TSPAN9: variants seen among roughly 807,000 people sequenced by gnomAD.
TSPAN9 encodes tetraspanin-9.
TSPAN9 carries 16 observed loss-of-function variants against 31.0 expected under a neutral mutation model. The ratio of observed to expected loss-of-function variants is 0.52; its 90% CI spans 0.35 to 0.78. The LOEUF (loss-of-function observed/expected upper bound fraction) is 0.78. Ranked by LOEUF, TSPAN9 falls within the 30% of genes least tolerant of loss-of-function variation. TSPAN9 has a pLI of 0.01. For missense variants in TSPAN9, 272 were observed against 312.5 expected (o/e 0.87, Z 0.98); for synonymous variants, 145 against 121.6 (o/e 1.19, Z -1.27).
At chr12:3,193,337 C>A (rs2098365446) in intron 2 of TSPAN9, among the ~76,000 whole-genome samples, 1 of 152,186 alleles carries the variant, frequency 6.6e-6, no homozygotes, top group Non-Finnish European at 1.5e-5. Context: ...ACAATCCACA[C>A]CACCTGCCTG....
chr12:3,247,101 C>T (rs1047695595), intron 3 of TSPAN9, among the ~76,000 whole-genome samples: 4 of 152,108 alleles, frequency 2.6e-5, no homozygotes, highest in Non-Finnish European at 4.4e-5. Flanking sequence ...ACCCAGGACA[C>T]GTTCACTGTG....
intron 3 of TSPAN9, among the ~76,000 whole-genome samples, chr12:3,235,181 TC>T (rs2098392749): frequency 4.3e-5 from 1 of 23,272 alleles, no homozygotes; most frequent in African/African-American, 1.9e-4. Context: ...AGACTCCGTC[TC>T]AAAAAAAAAA....
At chr12:3,279,123 C>G in intron 5 of TSPAN9, 57 bp downstream of exon 5, 1 of 1,527,638 alleles carries the variant, frequency 6.5e-7, no homozygotes, top group Non-Finnish European at 9.1e-7. Context: ...TAGAGTTGGG[C>G]CAAGCAGGCC....
At chr12:3,256,928 G>A (rs1255060934) in intron 3 of TSPAN9, among the ~76,000 whole-genome samples, 4 of 152,120 alleles carry the variant, frequency 2.6e-5, no homozygotes, top group Non-Finnish European at 2.9e-5. Flanking sequence ...CAGCTTCTTC[G>A]CCCTGGGGAG....
chr12:3,078,726 T>C (rs183069142), intron 1 of TSPAN9, among the ~76,000 whole-genome samples: 1 of 151,996 alleles, frequency 6.6e-6, no homozygotes, highest in East Asian at 1.9e-4. Flanking sequence ...AATTCAGTTC[T>C]ACTCTCACTC....
At chr12:3,151,044 C>T (rs1175179492) in intron 2 of TSPAN9, 1 of 152,246 alleles carries the variant, frequency 6.6e-6, no homozygotes, top group Non-Finnish European at 1.5e-5. Flanking sequence ...CAATTTCTAG[C>T]ACTTCCTGGA....
At chr12:3,158,929 G>A (rs780017837) in intron 2 of TSPAN9, among the ~76,000 whole-genome samples, 16 of 151,542 alleles carry the variant, frequency 1.1e-4, no homozygotes, top group African/African-American at 3.2e-4. Context: ...GCTTGGGAAC[G>A]TACTCCTCCT....
intron 3 of TSPAN9, among the ~76,000 whole-genome samples, chr12:3,246,903 G>C (rs762403955): frequency 6.6e-6 from 1 of 152,230 alleles, no homozygotes; most frequent in Non-Finnish European, 1.5e-5. Context: ...GACCAGGACC[G>C]TTCAGGGGAT....
intron 2 of TSPAN9, among the ~76,000 whole-genome samples, chr12:3,140,037 C>G (rs1364661826): frequency 6.6e-6 from 1 of 152,320 alleles, no homozygotes; most frequent in East Asian, 1.9e-4. Flanking sequence ...AGCTCATCCA[C>G]ACACCTGGGG....
At chr12:3,088,612 C>T (rs1042602492) in intron 2 of TSPAN9, among the ~76,000 whole-genome samples, 7 of 152,158 alleles carry the variant, frequency 4.6e-5, no homozygotes, top group Non-Finnish European at 1.0e-4. Flanking sequence ...CGGAGCAGTT[C>T]GTGCCCGCAG....
At chr12:3,112,676 C>CTTTTTTT (rs765040711) in intron 2 of TSPAN9, among the ~76,000 whole-genome samples, 6 of 88,514 alleles carry the variant, frequency 6.8e-5, no homozygotes, top group Non-Finnish European at 1.1e-4. Flanking sequence ...TTTATTTTTG[C>CTTTTTTT]TTTTTTTTTT....
chr12:3,268,676 C>G (rs1862594797), intron 3 of TSPAN9, among the ~76,000 whole-genome samples: 1 of 120,996 alleles, frequency 8.3e-6, no homozygotes. Context: ...CTGCAGCCTG[C>G]CCTCTCTGTG....
rs149558854 is a variant in TSPAN9, at chr12:3,117,397, A to C, written c.-18+33678A>C. Reference sequence around the variant, plus strand: ...TTAATAAAAGCACTTCAGCAGAAACAGAACAAGGGGAGGGGAGAGGAAGTG... The same window carrying C: ...TTAATAAAAGCACTTCAGCAGAAACCGAACAAGGGGAGGGGAGAGGAAGTG... On this transcript the variant is annotated intron_variant, in intron 2 of 8. Transcript: ENST00000011898. Among the ~76,000 whole-genome samples the C allele has an allele frequency of 6.7e-3, 1,022 of 152,316 alleles. 12 individuals carry two copies. Among genetic ancestry groups the C allele is most frequent in the African/African-American group, 0.023 (951 of 41,568 alleles).
chr12:3,077,448 G>T lies in TSPAN9; in HGVS notation c.-90G>T. 6.6e-6 allele frequency: 1 copy of T among 152,044 alleles called. No individual in the cohort carries two copies. The highest frequency in any genetic ancestry group is 1.8e-4 in the South Asian group (1 of 5,598). The allele number at this position is 152,044 out of a possible 1,614,324, so 9.4% of individuals were successfully genotyped here. A position where few individuals can be genotyped will look rare whatever the true frequency, so the allele number is the denominator to read the frequency against. ...AGAGCGGAGACCCCCAGGTCCTGCG[G>T]GCGCGGTGAGTGCGGCCCGGGCGGC... On this transcript the variant is annotated 5_prime_UTR_variant, in exon 1 of 9. Coordinates refer to ENST00000011898, the MANE Select transcript of TSPAN9 (RefSeq NM_006675.5).
At chr12:3,278,764 C>A in intron 4 of TSPAN9, 152 bp downstream of exon 4, 4 of 1,143,310 alleles carry the variant, frequency 3.5e-6, no homozygotes, top group South Asian at 1.6e-5. Flanking sequence ...TGACCACACC[C>A]CTCCTCCTCA....
At chr12:3,131,025 C>T (rs1363734689) in intron 2 of TSPAN9, among the ~76,000 whole-genome samples, 6 of 151,940 alleles carry the variant, frequency 3.9e-5, no homozygotes, top group Admixed American at 2.0e-4. Context: ...TTTTGCTGAG[C>T]GGCTCTTTGC....
intron 3 of TSPAN9, among the ~76,000 whole-genome samples, chr12:3,261,515 T>C (rs1862448741): frequency 6.6e-6 from 1 of 152,002 alleles, no homozygotes; most frequent in Non-Finnish European, 1.5e-5. Flanking sequence ...GCTGGAAGAA[T>C]AGATGGAGAA....
At chr12:3,079,631 T>G (rs1330916192) in intron 1 of TSPAN9, among the ~76,000 whole-genome samples, 1 of 151,998 alleles carries the variant, frequency 6.6e-6, no homozygotes, top group Non-Finnish European at 1.5e-5. Flanking sequence ...CTGGCTAATT[T>G]TTGTATTTTT....
rs765040711 is a variant in TSPAN9 at position 3,112,676 on chromosome 12, C to CTTTTTTTTTTTTTTTTT, written c.-18+28960_-18+28976dup. On this transcript the variant is annotated intron_variant, in intron 2 of 8. Coordinates refer to ENST00000011898, the MANE Select transcript of TSPAN9 (RefSeq NM_006675.5). ...TTATTCTCAATCTCATTTATTTTTG[C>CTTTTTTTTTTTTTTTTT]TTTTTTTTTTTTTTTTTTTGGAGAC... Among the ~76,000 whole-genome samples the CTTTTTTTTTTTTTTTTT allele has an allele frequency of 2.1e-4, 19 of 88,502 alleles. 1 individual carries two copies. The highest frequency in any genetic ancestry group is 8.0e-4 in the South Asian group (2 of 2,508). The allele number at this position is 88,502 out of a possible 152,430, so 58.1% of individuals were successfully genotyped here. A position where few individuals can be genotyped will look rare whatever the true frequency, so the allele number is the denominator to read the frequency against.
Sources: gnomAD v4.1 joint callset for allele counts (sites outside exome capture counted in the v4.1 genomes callset) on GRCh38, gnomAD v4.1.1 for gene constraint, MANE v1.5 for transcripts, NCBI Gene and HGNC (gene_info 2026-07-23, HGNC 2026-07-21) for gene names.